The following NELL1 variants were observed in gnomAD, a reference collection of about 807,000 sequenced individuals.
NELL1 encodes the protein neural EGFL like 1, also known as protein kinase C-binding protein NELL1.
A neutral mutation model predicts 107.4 loss-of-function variants in NELL1; 76 were observed. The observed-to-expected ratio is 0.71, with a 90% CI of 0.59 to 0.86. The LOEUF (loss-of-function observed/expected upper bound fraction) is 0.86. Among genes scored for constraint, NELL1 ranks in the 40% least tolerant of loss-of-function variants. The pLI is 0.00. For synonymous variants in NELL1, 353 were observed against 341.2 expected, an observed-to-expected ratio of 1.03 and a Z score of -0.38; for missense variants, 1,024 against 1,005.5, an observed-to-expected ratio of 1.02 and a Z score of -0.25.
chr11:21,487,491 A>T lies in NELL1; in HGVS notation c.1646-46883A>T, dbSNP rs1291189496. Among the ~76,000 whole-genome samples, 4 of 152,312 alleles carry T rather than the reference A, an allele frequency of 2.6e-5. No homozygotes were observed. In the South Asian group the frequency reaches 6.2e-4, roughly 24 times the overall value. On this transcript the variant is annotated intron_variant, in intron 15 of 19. Transcript: ENST00000357134. Reference sequence around the variant, plus strand: ...TGGAAGCAAAAAAACATTTACCAACATGAAAACTCATAAAACTGTAATACT... The same window carrying T: ...TGGAAGCAAAAAAACATTTACCAACTTGAAAACTCATAAAACTGTAATACT...
intron 14 of NELL1, among the ~76,000 whole-genome samples, chr11:21,234,528 T>G (rs1345879714): frequency 6.6e-6 from 1 of 152,220 alleles, no homozygotes; most frequent in Non-Finnish European, 1.5e-5. Context: ...TCAAACCAAC[T>G]TTAACGTTGA....
At chr11:21,161,502 A>G (rs1333765069) in intron 13 of NELL1, among the ~76,000 whole-genome samples, 1 of 152,220 alleles carries the variant, frequency 6.6e-6, no homozygotes, top group East Asian at 1.9e-4. Flanking sequence ...ATGCCACTGC[A>G]TTCCAGCCTG....
chr11:21,270,871 G>A (rs949869724), intron 14 of NELL1, among the ~76,000 whole-genome samples: 1 of 152,092 alleles, frequency 6.6e-6, no homozygotes, highest in Non-Finnish European at 1.5e-5. Flanking sequence ...ATCAATAACA[G>A]CTGGAGAACT....
intron 14 of NELL1, among the ~76,000 whole-genome samples, chr11:21,307,864 C>A (rs1366904372): frequency 6.6e-6 from 1 of 151,626 alleles, no homozygotes; most frequent in East Asian, 1.9e-4. Context: ...AGTAAAAAAA[C>A]AAGTAACCTT....
At chr11:20,755,556 G>GTT (rs1188989442) in intron 2 of NELL1, among the ~76,000 whole-genome samples, 33 of 23,392 alleles carry the variant, frequency 1.4e-3, no homozygotes, top group Admixed American at 2.6e-3. Flanking sequence ...TTTTGTTTTT[G>GTT]TTTTTGTTTT....
chr11:21,071,643 A>G (rs982538994), intron 12 of NELL1, among the ~76,000 whole-genome samples: 16 of 152,174 alleles, frequency 1.1e-4, no homozygotes, highest in Admixed American at 3.3e-4. Flanking sequence ...CCAAACTTTG[A>G]GAATAATCTG....
intron 13 of NELL1, among the ~76,000 whole-genome samples, chr11:21,164,235 A>G (rs1462724794): frequency 6.6e-6 from 1 of 152,196 alleles, no homozygotes; most frequent in Non-Finnish European, 1.5e-5. Context: ...CATTGTTTTT[A>G]TATATGGGTT....
chr11:21,375,375 G>A (rs117562046), intron 15 of NELL1, among the ~76,000 whole-genome samples: 2,566 of 152,128 alleles, frequency 0.017, 57 homozygotes, highest in Non-Finnish European at 0.02. Context: ...GTCTGCAAAG[G>A]ACATGATTTC....
rs1590264069 is a variant in NELL1, at chr11:20,755,563, T to TTTTTTTTTATTTATTTA, written c.185-28109_185-28108insATTTATTTATTTTTTTT. 3.3e-3 allele frequency among the ~76,000 whole-genome samples: 64 copies of TTTTTTTTTATTTATTTA among 19,114 alleles called. 1 individual carries two copies. In the East Asian group the frequency reaches 0.062, roughly 18 times the overall value. 12.5% of individuals were successfully genotyped at this position (19,114 alleles called of 152,430 possible). ...TTGTTTTTTTTTGTTTTTGTTTTTG[T>TTTTTTTTTATTTATTTA]TTTTTTTTTTTTGAGACAGAATCTG... On this transcript the variant is annotated intron_variant, in intron 2 of 19. Coordinates refer to ENST00000357134, the MANE Select transcript of NELL1 (RefSeq NM_006157.5).
intron 15 of NELL1, among the ~76,000 whole-genome samples, chr11:21,398,500 G>A (rs1373861453): frequency 1.3e-5 from 2 of 151,686 alleles, no homozygotes; most frequent in East Asian, 2.0e-4. Flanking sequence ...AGATCCAAGA[G>A]GGAGCATAAA....
At chr11:21,455,459 G>T (rs1853703917) in intron 15 of NELL1, among the ~76,000 whole-genome samples, 1 of 151,386 alleles carries the variant, frequency 6.6e-6, no homozygotes, top group South Asian at 2.1e-4. Context: ...AGCCTCCCAA[G>T]TAGCTGGGAC....
Position 21,560,258 on chromosome 11 carries a change from G to A in NELL1, c.1856G>A (p.Gly619Asp), listed in dbSNP as rs769700897. Residue 619 changes from glycine to aspartate, a missense_variant, in exon 17 of 20, where the codon GGC (glycine) becomes GAC (aspartate). Gly to Asp is a moderately conservative substitution (Grantham distance 94, BLOSUM62 -1). Coordinates refer to ENST00000357134, the MANE Select transcript of NELL1 (RefSeq NM_006157.5). ...TCTGCCTGCATCAACCTGGCAGGGG[G>A]CTTTGACTGTCTCTGCCCCTCTGGG... ...NDSACINLAG[G>D]FDCLCPSGPS... 1 of 1,613,682 alleles carries A rather than the reference G, an allele frequency of 6.2e-7. No homozygotes were observed. Among genetic ancestry groups the A allele is most frequent in the Non-Finnish European group, 8.5e-7 (1 of 1,179,756 alleles).
At chr11:21,374,777 A>G (rs1357831764) in intron 15 of NELL1, among the ~76,000 whole-genome samples, 1 of 151,962 alleles carries the variant, frequency 6.6e-6, no homozygotes, top group Non-Finnish European at 1.5e-5. Context: ...TTGACTCCCT[A>G]CATCTTGTAC....
chr11:20,915,718 T>TATATATATATATATATATA (rs375263928), intron 5 of NELL1, among the ~76,000 whole-genome samples: 1,061 of 48,432 alleles, frequency 0.022, 8 homozygotes, highest in Non-Finnish European at 0.03. Flanking sequence ...TATATATATA[T>TATATATATATATATATATA]TTTTTTTTTT....
At chr11:21,327,094 G>C (rs1850160616) in intron 14 of NELL1, among the ~76,000 whole-genome samples, 1 of 148,166 alleles carries the variant, frequency 6.7e-6, no homozygotes, top group Non-Finnish European at 1.5e-5. Context: ...CTGGTGGGAG[G>C]TTATTTAATC....
intron 2 of NELL1, among the ~76,000 whole-genome samples, chr11:20,721,244 ATATATT>A (rs1855381170): frequency 6.9e-6 from 1 of 144,078 alleles, no homozygotes; most frequent in African/African-American, 2.7e-5. Flanking sequence ...TTATATATAT[ATATATT>A]TATTTGTTTG....
intron 14 of NELL1, chr11:21,284,186 A>T (rs1263574261): frequency 6.6e-6 from 3 of 453,898 alleles, no homozygotes; most frequent in Non-Finnish European, 1.3e-5. Flanking sequence ...CTTCAACAAC[A>T]TGTTGCATAC....
chr11:21,566,531 TAA>T (rs1564964391), intron 17 of NELL1, among the ~76,000 whole-genome samples: 2 of 151,950 alleles, frequency 1.3e-5, no homozygotes, highest in African/African-American at 4.8e-5. Flanking sequence ...GAATAATTAT[TAA>T]TTGCTTATCA....
chr11:20,719,532 A>T (rs7109431), intron 2 of NELL1, among the ~76,000 whole-genome samples: 79,006 of 152,034 alleles, frequency 0.52, 23,485 homozygotes, highest in Middle Eastern at 0.74. Flanking sequence ...AACAGACATT[A>T]CAAGGATCCT....
Sources: allele counts gnomAD v4.1 joint callset (sites outside exome capture counted in the v4.1 genomes callset), GRCh38; gene constraint gnomAD v4.1.1; transcripts MANE v1.5; gene names NCBI Gene and HGNC (gene_info 2026-07-23, HGNC 2026-07-21).